CDKL3: variants seen among roughly 807,000 people sequenced by gnomAD.
The protein encoded by CDKL3 is cyclin-dependent kinase-like 3.
CDKL3 carries 65 observed loss-of-function variants against 69.3 expected under a neutral mutation model. That is an observed-to-expected ratio of 0.94 (90% CI 0.77 to 1.15). CDKL3 has a LOEUF of 1.15. Among genes scored for constraint, CDKL3 ranks in the 50% most tolerant of loss-of-function variants. The pLI is 0.00. For synonymous variants in CDKL3, 202 were observed against 221.6 expected (o/e 0.91, Z 0.79); for missense variants, 652 against 689.2 (o/e 0.95, Z 0.61).
chr5:134,355,755 T>C (rs1298278847), intron 3 of CDKL3, among the ~76,000 whole-genome samples: 1 of 152,192 alleles, frequency 6.6e-6, no homozygotes, highest in Non-Finnish European at 1.5e-5. Context: ...CAATAACACT[T>C]TTCTCATTCT....
rs368579435 is a variant in CDKL3, at chr5:134,365,429, T to C, written c.165+930A>G. Among the ~76,000 whole-genome samples, 145 of 152,156 alleles carry C rather than the reference T, an allele frequency of 9.5e-4. 1 individual carries two copies. The South Asian group carries it at 0.029, about 30-fold the overall frequency. On this transcript the variant is annotated intron_variant, in intron 2 of 12. Coordinates refer to ENST00000265334, the MANE Select transcript of CDKL3 (RefSeq NM_001113575.2). The stretch of plus-strand genomic sequence containing the variant: ...GCCACCGCACCCGGCCTCATGTCTT[T>C]TTTTTTTGTTTTTTACAATACAGCA...
intron 6 of CDKL3, among the ~76,000 whole-genome samples, chr5:134,313,966 C>T (rs1276984915): frequency 6.6e-6 from 1 of 151,588 alleles, no homozygotes; most frequent in Admixed American, 6.6e-5. Context: ...GGAGAAACTC[C>T]GTCCCCACTA....
chr5:134,301,730 T>TA (rs1263629283), intron 12 of CDKL3, among the ~76,000 whole-genome samples: 1 of 151,526 alleles, frequency 6.6e-6, no homozygotes, highest in African/African-American at 2.4e-5. Context: ...AAATATTTTT[T>TA]AAAAAAAATA....
Position 134,312,212 on chromosome 5 carries a change from C to G in CDKL3, c.881+80G>C, listed in dbSNP as rs1347664518. On this transcript the variant is annotated intron_variant, in intron 7 of 12. Coordinates refer to ENST00000265334, the MANE Select transcript of CDKL3 (RefSeq NM_001113575.2). Reference sequence around the variant, plus strand: ...TGAATATTTGTTATATAAAAGTAACCTATACAGCAATTTTCCTGCTAGTAA... The same window carrying G: ...TGAATATTTGTTATATAAAAGTAACGTATACAGCAATTTTCCTGCTAGTAA... The G allele has an allele frequency of 5.2e-6, 4 of 775,806 alleles. No homozygotes were observed. In the African/African-American group the frequency reaches 5.3e-5, roughly 10 times the overall value. 48.1% of individuals were successfully genotyped at this position (775,806 alleles called of 1,614,324 possible).
At chr5:134,344,753 G>A (rs918350169) in intron 4 of CDKL3, among the ~76,000 whole-genome samples, 3 of 152,066 alleles carry the variant, frequency 2.0e-5, no homozygotes, top group African/African-American at 7.2e-5. Flanking sequence ...GCGAGACCCT[G>A]TCTCTACAAA....
chr5:134,297,951 G>C (rs940159907), downstream of CDKL3, among the ~76,000 whole-genome samples: 1 of 143,950 alleles, frequency 6.9e-6, no homozygotes, highest in Non-Finnish European at 1.5e-5. Context: ...TGTGTGTTTT[G>C]AGACAGAGCC....
At chr5:134,297,077 G>C (rs975620499), downstream of CDKL3, among the ~76,000 whole-genome samples, 1 of 150,448 alleles carries the variant, frequency 6.6e-6, no homozygotes, top group Non-Finnish European at 1.5e-5. Flanking sequence ...TCAGGCTCCC[G>C]AGTAGCTGGG....
At chr5:134,317,434 A>G (rs1243836023) in intron 6 of CDKL3, among the ~76,000 whole-genome samples, 1 of 152,146 alleles carries the variant, frequency 6.6e-6, no homozygotes, top group South Asian at 2.1e-4. Context: ...GATTATAGGC[A>G]CGAGCCACTG....
At chr5:134,339,014 C>T (rs991121202) in intron 4 of CDKL3, among the ~76,000 whole-genome samples, 2 of 151,770 alleles carry the variant, frequency 1.3e-5, no homozygotes, top group Non-Finnish European at 2.9e-5. Flanking sequence ...ATTAGCCGGG[C>T]ATAGTGGTGG....
intron 6 of CDKL3, chr5:134,319,069 C>T (rs1242738974): frequency 1.4e-5 from 3 of 208,138 alleles, no homozygotes; most frequent in Non-Finnish European, 1.9e-5. Flanking sequence ...GCCTGTAATC[C>T]CAGCACTTTG....
intron 3 of CDKL3, among the ~76,000 whole-genome samples, chr5:134,352,819 G>T (rs1362355162): frequency 6.6e-6 from 1 of 152,078 alleles, no homozygotes; most frequent in Non-Finnish European, 1.5e-5. Context: ...ATATATTCTA[G>T]ATATTAACCT....
rs928486830 is a variant in CDKL3, at chr5:134,345,044, G to A, written c.539+5205C>T. Among the ~76,000 whole-genome samples, 7 of 152,122 alleles carry A rather than the reference G, an allele frequency of 4.6e-5. No individual in the cohort carries two copies. In the East Asian group the frequency reaches 5.8e-4, roughly 13 times the overall value. ...CACGCCACTGCACTCCAGCCTGGGC[G>A]ACAGAGAGAGACTCTGTCTCAAAAA... On this transcript the variant is annotated intron_variant, in intron 4 of 12. Coordinates refer to ENST00000265334, the MANE Select transcript of CDKL3 (RefSeq NM_001113575.2).
chr5:134,329,689 T>C (rs1775292947), intron 4 of CDKL3, among the ~76,000 whole-genome samples: 1 of 151,980 alleles, frequency 6.6e-6, no homozygotes, highest in South Asian at 2.1e-4. Flanking sequence ...CAGGGTGGTC[T>C]CCATCTCCTG....
intron 4 of CDKL3, among the ~76,000 whole-genome samples, chr5:134,328,886 G>T (rs1470698345): frequency 6.6e-6 from 1 of 152,124 alleles, no homozygotes; most frequent in East Asian, 1.9e-4. Context: ...CAACAAAAAC[G>T]CCTATATCTA....
intron 6 of CDKL3, among the ~76,000 whole-genome samples, chr5:134,317,601 G>A (rs1467395481): frequency 1.3e-5 from 2 of 152,134 alleles, no homozygotes; most frequent in Non-Finnish European, 2.9e-5. Context: ...TCCAGCCTGG[G>A]CAACAGGATG....
chr5:134,320,699 C>A (rs1449408035), intron 5 of CDKL3, among the ~76,000 whole-genome samples: 1 of 151,722 alleles, frequency 6.6e-6, no homozygotes, highest in Non-Finnish European at 1.5e-5. Flanking sequence ...CACAGTGAAA[C>A]CCCGTCTCTG....
intron 6 of CDKL3, among the ~76,000 whole-genome samples, chr5:134,315,749 G>C (rs1403515727): frequency 2.0e-5 from 3 of 152,170 alleles, no homozygotes; most frequent in African/African-American, 7.2e-5. Flanking sequence ...CTACTCAGGA[G>C]GCTGAGGCGG....
intron 4 of CDKL3, among the ~76,000 whole-genome samples, chr5:134,334,199 T>C (rs1157616681): frequency 2.0e-5 from 3 of 152,108 alleles, no homozygotes; most frequent in Non-Finnish European, 4.4e-5. Flanking sequence ...TTCTTCTCTC[T>C]TCTTTATTAG....
upstream of CDKL3, among the ~76,000 whole-genome samples, chr5:134,368,863 C>T (rs1298571556): frequency 6.6e-6 from 1 of 151,946 alleles, no homozygotes; most frequent in Admixed American, 6.6e-5. Context: ...GAGGGCAAAA[C>T]TCCATCTCTA....
Sources: allele counts gnomAD v4.1 joint callset (sites outside exome capture counted in the v4.1 genomes callset), GRCh38; gene constraint gnomAD v4.1.1; transcripts MANE v1.5; gene names NCBI Gene and HGNC (gene_info 2026-07-23, HGNC 2026-07-21).